FBXL20: variants seen among roughly 807,000 people sequenced by gnomAD.
The protein encoded by FBXL20 is F-box/LRR-repeat protein 20.
FBXL20 carries 11 observed loss-of-function variants against 64.0 expected under a neutral mutation model. That is an observed-to-expected ratio of 0.17 (90% CI 0.11 to 0.28). The LOEUF is 0.28. Among genes scored for constraint, FBXL20 ranks in the 10% least tolerant of loss-of-function variants. The pLI, the probability that FBXL20 is intolerant of heterozygous loss-of-function variation, is 1.00. For missense variants in FBXL20, 303 were observed against 526.2 expected (o/e 0.58, Z 4.15); for synonymous variants, 184 against 189.0 (o/e 0.97, Z 0.22).
chr17:39,270,222 A>C (rs996986117), intron 11 of FBXL20, among the ~76,000 whole-genome samples: 1 of 152,172 alleles, frequency 6.6e-6, no homozygotes, highest in Non-Finnish European at 1.5e-5. Context: ...GCACCTGCTT[A>C]ATCTATTAGC....
intron 1 of FBXL20, among the ~76,000 whole-genome samples, chr17:39,343,746 A>AT (rs1054393257): frequency 7.8e-5 from 11 of 141,000 alleles, no homozygotes; most frequent in Non-Finnish European, 1.2e-4. Context: ...CCCAGTCTGG[A>AT]GTACAGTGGC....
chr17:39,402,270 G>GCCGC (rs147479461), upstream of FBXL20: 36 of 1,221,806 alleles, frequency 2.9e-5, 1 homozygote, highest in Non-Finnish European at 3.4e-5. Context: ...GGCTGCCGCC[G>GCCGC]CGCCTCCGCG....
chr17:39,309,791 CAA>C (rs111999882), intron 2 of FBXL20, among the ~76,000 whole-genome samples: 8 of 56,204 alleles, frequency 1.4e-4, no homozygotes, highest in Admixed American at 4.3e-4. Flanking sequence ...GACTCCATCT[CAA>C]AAAAAAAAAA....
At chr17:39,396,557 T>C (rs191856762) in intron 1 of FBXL20, among the ~76,000 whole-genome samples, 154 of 147,386 alleles carry the variant, frequency 1.0e-3, no homozygotes, top group Non-Finnish European at 1.8e-3. Context: ...GATCGCACCA[T>C]TGCACTCTGA....
intron 12 of FBXL20, among the ~76,000 whole-genome samples, chr17:39,266,065 CTTTTTTTTTTTTTTT>C (rs34822405): frequency 4.8e-5 from 3 of 62,734 alleles, no homozygotes; most frequent in Admixed American, 4.2e-4. Context: ...CTCATTCATT[CTTTTTTTTTTTTTTT>C]TTTTTTTTTT....
At chr17:39,339,709 G>A (rs185323396) in intron 2 of FBXL20, among the ~76,000 whole-genome samples, 18 of 151,752 alleles carry the variant, frequency 1.2e-4, no homozygotes, top group East Asian at 9.7e-4. Context: ...GCAGTGGCAC[G>A]TGATCTCAGC....
At chr17:39,337,009 C>G (rs1037623355) in intron 2 of FBXL20, among the ~76,000 whole-genome samples, 4 of 150,910 alleles carry the variant, frequency 2.7e-5, no homozygotes, top group African/African-American at 9.9e-5. Flanking sequence ...CTCTCCCTCT[C>G]TTTCCACCGT....
chr17:39,338,463 A>G (rs528441789), intron 2 of FBXL20, among the ~76,000 whole-genome samples: 37 of 152,070 alleles, frequency 2.4e-4, no homozygotes, highest in Non-Finnish European at 4.4e-4. Flanking sequence ...TTATCTGCTG[A>G]CCTTCCCTCC....
chr17:39,371,853 C>T (rs553582494), intron 1 of FBXL20, among the ~76,000 whole-genome samples: 5 of 151,966 alleles, frequency 3.3e-5, no homozygotes, highest in Admixed American at 6.6e-5. Flanking sequence ...GTAAGGCTGA[C>T]GGTAGCTGTC....
Position 39,330,022 on chromosome 17 carries a change from G to C in FBXL20, c.104+13158C>G, listed in dbSNP as rs138158896. Reference sequence around the variant, plus strand: ...AAAAATCAAAAATAGGATGGGCGCGGTGGCTCATACCTGTAATCCCAGCAC... The same window carrying C: ...AAAAATCAAAAATAGGATGGGCGCGCTGGCTCATACCTGTAATCCCAGCAC... On this transcript the variant is annotated intron_variant, in intron 2 of 14. Coordinates refer to ENST00000264658, the MANE Select transcript of FBXL20 (RefSeq NM_032875.3). 5.3e-4 allele frequency among the ~76,000 whole-genome samples: 81 copies of C among 152,204 alleles called. 1 individual carries two copies. The East Asian group carries it at 0.012, about 22-fold the overall frequency.
intron 2 of FBXL20, among the ~76,000 whole-genome samples, chr17:39,339,796 A>ACCAC (rs1181750380): frequency 1.3e-5 from 2 of 151,550 alleles, no homozygotes; most frequent in Non-Finnish European, 2.9e-5. Flanking sequence ...GGCGCGCACC[A>ACCAC]CCACACCTGG....
intron 1 of FBXL20, among the ~76,000 whole-genome samples, chr17:39,368,488 T>G (rs760954746): frequency 1.9e-4 from 29 of 152,174 alleles, no homozygotes; most frequent in Non-Finnish European, 3.5e-4. Context: ...AGAGACCTTT[T>G]CCTACCAAGT....
At chr17:39,396,611 A>AG (rs2048186326) in intron 1 of FBXL20, among the ~76,000 whole-genome samples, 1 of 150,474 alleles carries the variant, frequency 6.6e-6, no homozygotes, top group Non-Finnish European at 1.5e-5. Flanking sequence ...AAAAAAAAAA[A>AG]GAAAGAAATG....
chr17:39,305,739 AT>A (rs1323200913), intron 2 of FBXL20, among the ~76,000 whole-genome samples: 1 of 151,998 alleles, frequency 6.6e-6, no homozygotes, highest in African/African-American at 2.4e-5. Flanking sequence ...TAATCCCAGC[AT>A]TTTGGGAGGC....
intron 1 of FBXL20, among the ~76,000 whole-genome samples, chr17:39,398,226 G>C (rs2048206556): frequency 1.3e-5 from 2 of 152,158 alleles, no homozygotes; most frequent in South Asian, 2.1e-4. Flanking sequence ...GTTGCAGTGA[G>C]CCGAGATCGC....
intron 2 of FBXL20, among the ~76,000 whole-genome samples, chr17:39,342,790 G>A (rs1277811270): frequency 1.3e-5 from 2 of 152,130 alleles, no homozygotes; most frequent in Non-Finnish European, 2.9e-5. Flanking sequence ...GCTGAGGTGG[G>A]AGGACTGCTT....
At chr17:39,355,033 G>A (rs1170652390) in intron 1 of FBXL20, among the ~76,000 whole-genome samples, 1 of 152,180 alleles carries the variant, frequency 6.6e-6, no homozygotes, top group Admixed American at 6.5e-5. Context: ...CCTGGTTCAA[G>A]TGATTCTCCT....
chr17:39,319,914 T>A (rs182951138), intron 2 of FBXL20, among the ~76,000 whole-genome samples: 21 of 152,168 alleles, frequency 1.4e-4, no homozygotes, highest in African/African-American at 4.8e-4. Flanking sequence ...GCCTAGCCAA[T>A]CCTTTTACTA....
Position 39,322,121 on chromosome 17 carries a change from T to C in FBXL20, c.105-18482A>G, listed in dbSNP as rs2047362001. ...CAGGAGGATCACTTGAGGGTAGAAG[T>C]TCGTGATCAGCCTGGAAAACATAGT... On this transcript the variant is annotated intron_variant, in intron 2 of 14. Coordinates refer to ENST00000264658, the MANE Select transcript of FBXL20 (RefSeq NM_032875.3). 4.4e-5 allele frequency among the ~76,000 whole-genome samples: 6 copies of C among 137,766 alleles called. No individual in the cohort carries two copies. The South Asian group carries it at 1.1e-3, about 25-fold the overall frequency. 90.4% of individuals were successfully genotyped at this position (137,766 alleles called of 152,430 possible).
Sources: gnomAD v4.1 joint callset for allele counts (sites outside exome capture counted in the v4.1 genomes callset) on GRCh38, gnomAD v4.1.1 for gene constraint, MANE v1.5 for transcripts, NCBI Gene and HGNC (gene_info 2026-07-23, HGNC 2026-07-21) for gene names.